The following FAM13C variants were observed in gnomAD, a reference collection of about 807,000 sequenced individuals.
FAM13C encodes family with sequence similarity 13 member C.
Under a neutral mutation model 73.2 loss-of-function variants are expected in FAM13C, and 37 were observed. That is an observed-to-expected ratio of 0.51 (90% CI 0.39 to 0.67). The LOEUF (loss-of-function observed/expected upper bound fraction) is 0.67. FAM13C is among the 30% of genes least tolerant of loss of function. The pLI, the probability that FAM13C is intolerant of heterozygous loss-of-function variation, is 0.00. For missense variants in FAM13C, 589 were observed against 715.6 expected, an observed-to-expected ratio of 0.82 and a Z score of 2.02; for synonymous variants, 246 against 260.9, an observed-to-expected ratio of 0.94 and a Z score of 0.55.
chr10:59,318,498 A>G (rs1849810438), intron 4 of FAM13C, among the ~76,000 whole-genome samples: 1 of 152,196 alleles, frequency 6.6e-6, no homozygotes, highest in East Asian at 1.9e-4. Context: ...TGTTAGAGCC[A>G]GAAGAAGCTC....
chr10:59,268,255 T>A (rs1357772815), intron 8 of FAM13C, among the ~76,000 whole-genome samples: 1 of 150,210 alleles, frequency 6.7e-6, no homozygotes, highest in Admixed American at 6.6e-5. Flanking sequence ...AAGAAGACCA[T>A]AATTCAAAGC....
At chr10:59,278,224 G>A (rs1225327758) in intron 6 of FAM13C, among the ~76,000 whole-genome samples, 3 of 152,050 alleles carry the variant, frequency 2.0e-5, no homozygotes, top group African/African-American at 7.2e-5. Flanking sequence ...ACAACACATG[G>A]GAATTCAAGA....
chr10:59,338,758 C>A (rs1036723760), intron 3 of FAM13C, among the ~76,000 whole-genome samples: 1 of 152,182 alleles, frequency 6.6e-6, no homozygotes, highest in African/African-American at 2.4e-5. Flanking sequence ...CTCTGCCTTG[C>A]CAGTCTACTT....
At chr10:59,323,602 C>T (rs574063457) in intron 4 of FAM13C, 63 of 235,570 alleles carry the variant, frequency 2.7e-4, no homozygotes, top group African/African-American at 7.2e-4. Context: ...TGAGAGACTA[C>T]GTAAAAATCA....
intron 4 of FAM13C, among the ~76,000 whole-genome samples, chr10:59,317,255 G>T (rs1033578328): frequency 1.3e-5 from 2 of 152,042 alleles, no homozygotes; most frequent in Admixed American, 1.3e-4. Flanking sequence ...TGAAGAGTAA[G>T]TTAAAGATTA....
At chr10:59,277,550 A>G (rs914125639) in intron 6 of FAM13C, among the ~76,000 whole-genome samples, 7 of 152,156 alleles carry the variant, frequency 4.6e-5, no homozygotes, top group East Asian at 1.9e-4. Flanking sequence ...AGTTCAGGTA[A>G]ATATACATCA....
intron 5 of FAM13C, among the ~76,000 whole-genome samples, chr10:59,302,442 GT>G (rs1847714677): frequency 6.6e-6 from 1 of 152,142 alleles, no homozygotes; most frequent in Non-Finnish European, 1.5e-5. Flanking sequence ...TGCAGAAGCT[GT>G]TAGGAAAAAC....
intron 4 of FAM13C, among the ~76,000 whole-genome samples, chr10:59,317,126 A>ATGTGTGTGTGTGTGTGCG (rs1849625992): frequency 6.7e-6 from 1 of 149,214 alleles, no homozygotes; most frequent in African/African-American, 2.5e-5. Context: ...ACTATACATA[A>ATGTGTGTGTGTGTGTGCG]TGTGTGTGTG....
At chr10:59,346,779 A>G (rs1854345695) in intron 3 of FAM13C, among the ~76,000 whole-genome samples, 1 of 152,218 alleles carries the variant, frequency 6.6e-6, no homozygotes. Flanking sequence ...TTACATGGTG[A>G]TCAATACAGG....
intron 3 of FAM13C, among the ~76,000 whole-genome samples, chr10:59,335,706 T>C (rs1326665550): frequency 6.6e-6 from 1 of 152,198 alleles, no homozygotes; most frequent in East Asian, 1.9e-4. Flanking sequence ...TGGCCTACAT[T>C]GTGTTTGTTT....
chr10:59,362,661 C>G, upstream of FAM13C: 3 of 1,273,388 alleles, frequency 2.4e-6, no homozygotes, highest in Non-Finnish European at 2.1e-6. Flanking sequence ...CGGCAGCCCG[C>G]GAGGCTGCGG....
At chr10:59,271,381 T>C (rs566020496) in intron 6 of FAM13C, among the ~76,000 whole-genome samples, 219 of 152,360 alleles carry the variant, frequency 1.4e-3, no homozygotes, top group Non-Finnish European at 2.4e-3. Flanking sequence ...GATTAGGTCC[T>C]CCTGTGTTTT....
intron 4 of FAM13C, among the ~76,000 whole-genome samples, chr10:59,321,274 C>T (rs566205274): frequency 1.4e-4 from 22 of 151,866 alleles, no homozygotes; most frequent in African/African-American, 3.9e-4. Flanking sequence ...GATGTGACTA[C>T]GGAAGAATGA....
At chr10:59,253,456 AC>A (rs997438920) in intron 11 of FAM13C, among the ~76,000 whole-genome samples, 2 of 152,210 alleles carry the variant, frequency 1.3e-5, no homozygotes, top group African/African-American at 4.8e-5. Flanking sequence ...TACAGAGGAT[AC>A]TCAGTAAATT....
chr10:59,306,070 C>G (rs527688952), intron 4 of FAM13C, among the ~76,000 whole-genome samples: 145 of 152,272 alleles, frequency 9.5e-4, no homozygotes, highest in African/African-American at 3.4e-3. Flanking sequence ...GTAGCACCAG[C>G]AAAATGGAAG....
chr10:59,313,570 C>T (rs573896479), intron 4 of FAM13C, among the ~76,000 whole-genome samples: 34 of 152,232 alleles, frequency 2.2e-4, no homozygotes, highest in African/African-American at 4.6e-4. Flanking sequence ...GTTGAGCAAG[C>T]GAGTCCAAAT....
chr10:59,275,341 G>A (rs1480809780), intron 6 of FAM13C, among the ~76,000 whole-genome samples: 1 of 152,114 alleles, frequency 6.6e-6, no homozygotes, highest in Non-Finnish European at 1.5e-5. Flanking sequence ...CCAGAGGAAC[G>A]TATGATTCTC....
chr10:59,316,493 C>T (rs1467272129), intron 4 of FAM13C, among the ~76,000 whole-genome samples: 9 of 152,050 alleles, frequency 5.9e-5, no homozygotes, highest in Non-Finnish European at 7.3e-5. Flanking sequence ...CCCTTAGTGA[C>T]GGGGATGTAT....
Position 59,352,485 on chromosome 10 carries a change from A to C in FAM13C, c.120-11T>G, listed in dbSNP as rs150286011. 68 of 1,591,358 alleles carry C rather than the reference A, an allele frequency of 4.3e-5. No homozygotes were observed. In the East Asian group the frequency reaches 1.5e-3, roughly 35 times the overall value. ...TTATTGTTTTCATCTCTAAAACAGG[A>C]AAGACCCAATTTAGAAAGTACCTTA... On this transcript the variant is annotated splice_polypyrimidine_tract_variant and intron_variant, in intron 2 of 13. Coordinates refer to ENST00000618804, the MANE Select transcript of FAM13C (RefSeq NM_198215.4).
Sources: allele counts gnomAD v4.1 joint callset (sites outside exome capture counted in the v4.1 genomes callset), GRCh38; gene constraint gnomAD v4.1.1; transcripts MANE v1.5; gene names NCBI Gene and HGNC (gene_info 2026-07-23, HGNC 2026-07-21).